The following NME9 variants were observed in gnomAD, a reference collection of about 807,000 sequenced individuals.
The protein encoded by NME9 is thioredoxin domain-containing protein 6.
NME9 carries 48 observed loss-of-function variants against 44.4 expected under a neutral mutation model. That is an observed-to-expected ratio of 1.08 (90% CI 0.86 to 1.37). NME9 has a LOEUF of 1.37. Ranked by LOEUF, NME9 falls within the 40% of genes most tolerant of loss-of-function variation. The pLI, the probability that NME9 is intolerant of heterozygous loss-of-function variation, is 0.00. For synonymous variants in NME9, 139 were observed against 147.1 expected, an observed-to-expected ratio of 0.94 and a Z score of 0.40; for missense variants, 325 against 405.2, an observed-to-expected ratio of 0.80 and a Z score of 1.70.
Position 138,295,781 on chromosome 3 carries a change from T to C in NME9, c.745+7726A>G, listed in dbSNP as rs1030944240. 8 of 1,519,650 alleles carry C rather than the reference T, an allele frequency of 5.3e-6. No homozygotes were observed. The African/African-American group carries it at 8.2e-5, about 16-fold the overall frequency. 94.1% of individuals were successfully genotyped at this position (1,519,650 alleles called of 1,614,324 possible). A position where few individuals can be genotyped will look rare whatever the true frequency, so the allele number is the denominator to read the frequency against. ...ATTTACTTTTTTAGACTTCCCCAGC[T>C]ATCATCATTGAACCATAGGGTTTTT... On this transcript the variant is annotated intron_variant, in intron 8 of 8. Transcript: ENST00000317876.
At chr3:138,265,903 G>A (rs749520204) in intron 8 of NME9, among the ~76,000 whole-genome samples, 8 of 152,148 alleles carry the variant, frequency 5.3e-5, no homozygotes, top group Non-Finnish European at 8.8e-5. Context: ...AGTAGGAGTG[G>A]CTTAGGAAAG....
chr3:138,269,314 C>T (rs758499773), intron 8 of NME9, among the ~76,000 whole-genome samples: 36 of 152,070 alleles, frequency 2.4e-4, no homozygotes, highest in Non-Finnish European at 3.7e-4. Context: ...AAGCATTCAT[C>T]GGTGATGGTA....
At chr3:138,265,205 A>G (rs1232523101) in intron 8 of NME9, among the ~76,000 whole-genome samples, 3 of 151,906 alleles carry the variant, frequency 2.0e-5, no homozygotes, top group African/African-American at 4.8e-5. Context: ...ACCCCTGGAT[A>G]TTTTTTAACA....
intron 8 of NME9, among the ~76,000 whole-genome samples, chr3:138,265,088 G>C (rs1461263621): frequency 6.6e-6 from 1 of 151,832 alleles, no homozygotes; most frequent in Non-Finnish European, 1.5e-5. Context: ...TTTGAGACAA[G>C]GTCTCGCCAA....
At chr3:138,287,962 G>T (rs2050584637) in intron 8 of NME9, 1 of 190,470 alleles carries the variant, frequency 5.3e-6, no homozygotes, top group Non-Finnish European at 1.1e-5. Context: ...AACCAGAAAT[G>T]GTTGTACTTT....
At chr3:138,276,804 G>T (rs893473781) in intron 8 of NME9, among the ~76,000 whole-genome samples, 2 of 152,114 alleles carry the variant, frequency 1.3e-5, no homozygotes, top group African/African-American at 4.8e-5. Flanking sequence ...TAAAATGTTG[G>T]TTCTCCCCAA....
At chr3:138,306,779 A>G (rs7638688) in intron 6 of NME9, among the ~76,000 whole-genome samples, 113,251 of 152,120 alleles carry the variant, frequency 0.74, 42,377 homozygotes, top group East Asian at 0.86. Context: ...GGAACATGGG[A>G]GAAGGGATTG....
chr3:138,309,749 C>T (rs1488558359), intron 6 of NME9, among the ~76,000 whole-genome samples: 1 of 151,768 alleles, frequency 6.6e-6, no homozygotes, highest in Non-Finnish European at 1.5e-5. Flanking sequence ...AAAAAAAAGC[C>T]AGATGCAGTG....
downstream of NME9, chr3:138,296,178 G>T (rs922806526): frequency 9.6e-5 from 32 of 333,490 alleles, no homozygotes; most frequent in Middle Eastern, 8.8e-4. Context: ...TACAATTTTT[G>T]CCTATGCTGC....
chr3:138,328,698 T>C (rs1346295084), intron 1 of NME9, among the ~76,000 whole-genome samples: 4 of 152,200 alleles, frequency 2.6e-5, no homozygotes, highest in African/African-American at 9.7e-5. Flanking sequence ...TCAACCACTA[T>C]CTATTGTCCA....
chr3:138,288,193 TGTGTGTGTG>T (rs1372951196), intron 8 of NME9, among the ~76,000 whole-genome samples: 2 of 152,128 alleles, frequency 1.3e-5, no homozygotes, highest in African/African-American at 4.8e-5. Context: ...TTATAGATTG[TGTGTGTGTG>T]AAAGTCTAGG....
intron 8 of NME9, among the ~76,000 whole-genome samples, chr3:138,286,822 T>C (rs547963483): frequency 7.4e-4 from 113 of 152,312 alleles, no homozygotes; most frequent in African/African-American, 2.5e-3. Flanking sequence ...CAAATGTGTT[T>C]CCCAGCCTAG....
intron 8 of NME9, among the ~76,000 whole-genome samples, chr3:138,292,446 G>A (rs774087987): frequency 2.6e-5 from 4 of 152,320 alleles, no homozygotes; most frequent in South Asian, 2.1e-4. Context: ...TAATAATGTC[G>A]GTAAGGGAGT....
intron 6 of NME9, among the ~76,000 whole-genome samples, chr3:138,308,482 C>T (rs182164179): frequency 8.6e-5 from 13 of 151,988 alleles, no homozygotes; most frequent in African/African-American, 3.1e-4. Flanking sequence ...TACTGTGATA[C>T]CCAGGAGTGT....
At chr3:138,329,193 C>G in intron 1 of NME9, 110 bp downstream of exon 1, 2 of 954,652 alleles carry the variant, frequency 2.1e-6, no homozygotes, top group Admixed American at 4.4e-5. Flanking sequence ...AACACTGTCA[C>G]GTACTGCTGG....
rs537095111 is a variant in NME9 at position 138,319,627 on chromosome 3, C to T, written c.92-46G>A. The T allele has an allele frequency of 1.1e-4, 109 of 965,662 alleles. 1 individual carries two copies. The South Asian group carries it at 1.4e-3, about 12-fold the overall frequency. 59.8% of individuals were successfully genotyped at this position (965,662 alleles called of 1,614,324 possible). On this transcript the variant is annotated intron_variant, in intron 2 of 10. Transcript: ENST00000333911. ...GGAACATTCAGTAGACGCCAGTGCC[C>T]ACCACACCATGCATAATTTATACCT...
intron 8 of NME9, among the ~76,000 whole-genome samples, chr3:138,270,713 C>T (rs1263876565): frequency 2.6e-5 from 4 of 151,862 alleles, no homozygotes; most frequent in Non-Finnish European, 5.9e-5. Context: ...ATTAACTTGT[C>T]GAAGGTAATA....
At chr3:138,322,854 T>A (rs1449036932) in intron 2 of NME9, among the ~76,000 whole-genome samples, 1 of 152,164 alleles carries the variant, frequency 6.6e-6, no homozygotes, top group Non-Finnish European at 1.5e-5. Flanking sequence ...GGCTGGCACA[T>A]GATACATTCT....
intron 6 of NME9, among the ~76,000 whole-genome samples, chr3:138,310,482 G>A (rs1014392154): frequency 1.3e-5 from 2 of 151,628 alleles, no homozygotes; most frequent in South Asian, 4.2e-4. Context: ...TCATCAGCAT[G>A]TGGAATATTC....
Sources: gnomAD v4.1 joint callset for allele counts (sites outside exome capture counted in the v4.1 genomes callset) on GRCh38, gnomAD v4.1.1 for gene constraint, MANE v1.5 for transcripts, NCBI Gene and HGNC (gene_info 2026-07-23, HGNC 2026-07-21) for gene names.